The following FYB1 variants were observed in gnomAD, a reference collection of about 807,000 sequenced individuals.
FYB1 encodes the protein FYN-binding protein 1.
A neutral mutation model predicts 94.1 loss-of-function variants in FYB1; 41 were observed. That is an observed-to-expected ratio of 0.44 (90% CI 0.34 to 0.57). The LOEUF is 0.57. Among genes scored for constraint, FYB1 ranks in the 20% least tolerant of loss-of-function variants. The pLI is 0.02. For missense variants in FYB1, 1,050 were observed against 976.8 expected, an observed-to-expected ratio of 1.07 and a Z score of -1.00; for synonymous variants, 367 against 353.2, an observed-to-expected ratio of 1.04 and a Z score of -0.44.
chr5:39,150,336 T>C, intron 3 of FYB1, among the ~76,000 whole-genome samples: 1 of 152,248 alleles, frequency 6.6e-6, no homozygotes, highest in East Asian at 1.9e-4. Flanking sequence ...CAACCCATTA[T>C]CTTTCTATTG....
intron 2 of FYB1, among the ~76,000 whole-genome samples, chr5:39,194,041 G>C (rs1747604378): frequency 6.6e-6 from 1 of 152,174 alleles, no homozygotes; most frequent in Non-Finnish European, 1.5e-5. Context: ...AGAGAATACT[G>C]ATAAAATGAT....
chr5:39,199,226 T>C lies in FYB1; in HGVS notation c.1135+2600A>G, dbSNP rs566172307. On this transcript the variant is annotated intron_variant, in intron 2 of 18. Coordinates refer to ENST00000512982, the MANE Select transcript of FYB1 (RefSeq NM_001465.6). ...AACAGAAATTTAATTCTTTTCTTTA[T>C]ATTGCTTATCCAGTTATATAAAATG... Among the ~76,000 whole-genome samples, 3 of 152,260 alleles carry C rather than the reference T, an allele frequency of 2.0e-5. No homozygotes were observed. In the South Asian group the frequency reaches 6.2e-4, roughly 32 times the overall value.
At chr5:39,270,766 C>T in intron 1 of FYB1, 1 of 460,730 alleles carries the variant, frequency 2.2e-6, no homozygotes, top group Non-Finnish European at 3.8e-6. Flanking sequence ...GTATAGCTGG[C>T]CAGGTTTATC....
chr5:39,201,060 A>G (rs1748274254), intron 2 of FYB1, among the ~76,000 whole-genome samples: 1 of 152,184 alleles, frequency 6.6e-6, no homozygotes, highest in African/African-American at 2.4e-5. Flanking sequence ...TCCTAACTAT[A>G]TATTACTTTA....
chr5:39,231,846 A>G (rs1750758165), intron 1 of FYB1, among the ~76,000 whole-genome samples: 2 of 152,092 alleles, frequency 1.3e-5, no homozygotes, highest in South Asian at 4.1e-4. Context: ...GGTTTCAGTC[A>G]TTAGACCACA....
At chr5:39,190,528 G>A (rs1347677631) in intron 2 of FYB1, among the ~76,000 whole-genome samples, 1 of 152,108 alleles carries the variant, frequency 6.6e-6, no homozygotes, top group Admixed American at 6.5e-5. Context: ...CACTCAGCCC[G>A]AGAACAACTA....
At chr5:39,241,581 A>G (rs1645740) in intron 1 of FYB1, among the ~76,000 whole-genome samples, 25,607 of 152,090 alleles carry the variant, frequency 0.17, 5,764 homozygotes, top group African/African-American at 0.5. Context: ...CAGTCAACAT[A>G]GGGAGTGGGC....
upstream of FYB1, among the ~76,000 whole-genome samples, chr5:39,224,145 C>A (rs1750377310): frequency 6.6e-6 from 1 of 152,176 alleles, no homozygotes; most frequent in African/African-American, 2.4e-5. Flanking sequence ...TAACACGAAA[C>A]CGATGGCCAT....
At chr5:39,138,503 T>C (rs1018987262) in intron 6 of FYB1, 154 bp downstream of exon 6, 6 of 501,762 alleles carry the variant, frequency 1.2e-5, no homozygotes, top group East Asian at 3.4e-5. Context: ...TAAATAATTT[T>C]GGGTCCTTTA....
upstream of FYB1, among the ~76,000 whole-genome samples, chr5:39,224,203 A>C (rs1368850001): frequency 6.6e-6 from 1 of 152,258 alleles, no homozygotes; most frequent in Non-Finnish European, 1.5e-5. Flanking sequence ...TGGCCAAGCC[A>C]GCTCTGCTGT....
Position 39,124,299 on chromosome 5 carries a change from C to T in FYB1, c.2046-21G>A, listed in dbSNP as rs575118850. ...GGAAACTACAAAGAAAGTGAGAACA[C>T]AATTATAATCAGACTAACATGAACA... is the stretch of plus-strand genomic sequence containing the variant. On this transcript the variant is annotated intron_variant, in intron 12 of 18. Coordinates refer to ENST00000512982, the MANE Select transcript of FYB1 (RefSeq NM_001465.6). 31 of 1,528,132 alleles carry T rather than the reference C, an allele frequency of 2.0e-5. No homozygotes were observed. The African/African-American group carries it at 4.1e-4, about 20-fold the overall frequency. The allele number at this position is 1,528,132 out of a possible 1,614,324, so 94.7% of individuals were successfully genotyped here. A position where few individuals can be genotyped will look rare whatever the true frequency, so the allele number is the denominator to read the frequency against.
chr5:39,149,921 C>T (rs1743093763), intron 3 of FYB1, among the ~76,000 whole-genome samples: 1 of 152,186 alleles, frequency 6.6e-6, no homozygotes, highest in Non-Finnish European at 1.5e-5. Flanking sequence ...AGCCTTATGA[C>T]TTTCAGTGTG....
intron 1 of FYB1, among the ~76,000 whole-genome samples, chr5:39,252,327 T>G (rs1364030440): frequency 6.6e-6 from 1 of 152,162 alleles, no homozygotes; most frequent in Non-Finnish European, 1.5e-5. Flanking sequence ...TGAATTAAAC[T>G]TAAGTGAAAA....
In FYB1 at chr5:39,107,465, C is replaced by T. The variant is rs763195960; in HGVS notation, c.2468G>A (p.Gly823Asp). The T allele has an allele frequency of 5.3e-6, 8 of 1,512,960 alleles. No homozygotes were observed. The African/African-American group carries it at 5.6e-5, about 11-fold the overall frequency. The allele number at this position is 1,512,960 out of a possible 1,614,324, so 93.7% of individuals were successfully genotyped here. The change falls in exon 19 of 19, where the codon GGC (glycine) becomes GAC (aspartate). Residue 823 changes from glycine to aspartate, a missense_variant and splice_region_variant. Gly to Asp is a moderately conservative substitution (Grantham distance 94). Transcript: ENST00000512982. ...DGEIYDDIAD[G>D]CIYDND ...GTGCTAGTCATTGTCATAGATGCAG[C>T]CTGAAAGGAAAAAATACAAATTTAA... is the stretch of plus-strand genomic sequence containing the variant.
intron 2 of FYB1, among the ~76,000 whole-genome samples, chr5:39,194,894 G>A (rs1747693135): frequency 6.6e-6 from 1 of 152,116 alleles, no homozygotes; most frequent in Non-Finnish European, 1.5e-5. Flanking sequence ...GCTTTTTCAG[G>A]GATTAAGGAG....
Position 39,202,490 on chromosome 5 carries a change from A to T in FYB1, c.471T>A (p.Pro157=). The change falls in exon 2 of 19, where the codon CCT becomes CCA. Residue 157 remains proline (P), a synonymous_variant. Coordinates refer to ENST00000512982, the MANE Select transcript of FYB1 (RefSeq NM_001465.6). The part of the protein sequence containing the change: ...DLKPLGPKSG[P]TPPTSENEQK... ...GTTCATTTTCTGAGGTTGGAGGAGT[A>T]GGCCCAGATTTCGGGCCTAGTGGCT... 1 of 1,613,958 alleles carries T rather than the reference A, an allele frequency of 6.2e-7. No homozygotes were observed. Among genetic ancestry groups the T allele is most frequent in the Non-Finnish European group, 8.5e-7 (1 of 1,179,876 alleles).
At chr5:39,163,595 T>C (rs934494200) in intron 2 of FYB1, among the ~76,000 whole-genome samples, 1 of 152,258 alleles carries the variant, frequency 6.6e-6, no homozygotes, top group African/African-American at 2.4e-5. Context: ...TTCAATTATA[T>C]GTAATCATGA....
intron 2 of FYB1, among the ~76,000 whole-genome samples, chr5:39,173,172 T>A (rs1402315884): frequency 1.3e-5 from 2 of 152,186 alleles, no homozygotes; most frequent in East Asian, 3.9e-4. Context: ...TTTCTCATTA[T>A]GGTTTTGATT....
At chr5:39,160,075 G>A (rs2150372972) in intron 2 of FYB1, among the ~76,000 whole-genome samples, 1 of 152,302 alleles carries the variant, frequency 6.6e-6, no homozygotes, top group South Asian at 2.1e-4. Context: ...TCATGGAGAA[G>A]TAAAGAATGA....
Sources: allele counts gnomAD v4.1 joint callset (sites outside exome capture counted in the v4.1 genomes callset), GRCh38; gene constraint gnomAD v4.1.1; transcripts MANE v1.5; gene names NCBI Gene and HGNC (gene_info 2026-07-23, HGNC 2026-07-21).